The following GSE1 variants were observed in gnomAD, a reference collection of about 807,000 sequenced individuals.
GSE1 encodes the protein genetic suppressor element 1.
GSE1 carries 32 observed loss-of-function variants against 112.6 expected under a neutral mutation model. That is an observed-to-expected ratio of 0.28 (90% CI 0.21 to 0.38). The LOEUF (loss-of-function observed/expected upper bound fraction) is 0.38. Ranked by LOEUF, GSE1 falls within the 10% of genes least tolerant of loss-of-function variation. The probability of loss-of-function intolerance (pLI) is 1.00; values close to 1 mark genes in which losing one functional copy is unlikely to be tolerated. For missense variants in GSE1, 2,348 were observed against 1,699.2 expected (o/e 1.38, Z -6.71); for synonymous variants, 1,115 against 735.6 (o/e 1.52, Z -8.35).
rs143067517 is a variant in GSE1 at position 85,209,506 on chromosome 16, C to T, written c.2283+37699C>T. Among the ~76,000 whole-genome samples the T allele has an allele frequency of 1.4e-4, 22 of 152,248 alleles. No homozygotes were observed. The East Asian group carries it at 4.2e-3, about 29-fold the overall frequency. On this transcript the variant is annotated intron_variant, in intron 1 of 2. Coordinates refer to the GSE1 transcript ENST00000637419. ...CGTGCATCCCCCTGGACCACTGACC[C>T]CTCCCACCCTCTCCCCCATCACCAT... is the stretch of plus-strand genomic sequence containing the variant.
Position 85,324,802 on chromosome 16 carries a change from C to T in GSE1, c.2284-32661C>T, listed in dbSNP as rs186547987. Reference sequence around the variant, plus strand: ...TGGCAGGGCCTGGGGAAGGCGATTCCGTCGGGGAAAGGGGGATAAATCTGA... The same window carrying T: ...TGGCAGGGCCTGGGGAAGGCGATTCTGTCGGGGAAAGGGGGATAAATCTGA... On this transcript the variant is annotated intron_variant, in intron 1 of 2. Transcript: ENST00000637419. Among the ~76,000 whole-genome samples, 14 of 151,966 alleles carry T rather than the reference C, an allele frequency of 9.2e-5. No homozygotes were observed. The East Asian group carries it at 1.9e-3, about 21-fold the overall frequency.
chr16:85,239,869 C>T (rs149100174), intron 1 of GSE1, among the ~76,000 whole-genome samples: 16 of 152,358 alleles, frequency 1.1e-4, no homozygotes, highest in African/African-American at 3.8e-4. Context: ...CCCAAACCAA[C>T]GGAAAGTCTG....
chr16:85,326,140 G>C (rs183871594), intron 1 of GSE1, among the ~76,000 whole-genome samples: 189 of 152,210 alleles, frequency 1.2e-3, no homozygotes, highest in African/African-American at 4.4e-3. Context: ...TTGACTGGAA[G>C]GGTCATACAT....
intron 1 of GSE1, among the ~76,000 whole-genome samples, chr16:85,317,432 C>T (rs768496543): frequency 6.6e-6 from 1 of 152,140 alleles, no homozygotes; most frequent in East Asian, 1.9e-4. Flanking sequence ...CAGCCTCAGC[C>T]AGCAGCCCCA....
At chr16:85,277,145 C>T (rs62049832) in intron 1 of GSE1, among the ~76,000 whole-genome samples, 37,233 of 151,918 alleles carry the variant, frequency 0.25, 5,280 homozygotes, top group East Asian at 0.34. Context: ...TGAGACCCCA[C>T]GGCCAGCCTG....
intron 2 of GSE1, among the ~76,000 whole-genome samples, chr16:85,416,171 A>G (rs1597686700): frequency 1.3e-5 from 2 of 152,214 alleles, no homozygotes; most frequent in South Asian, 4.1e-4. Context: ...TAAACTATTG[A>G]CAAGCCAGAT....
intron 1 of GSE1, among the ~76,000 whole-genome samples, chr16:85,586,631 C>G (rs757280063): frequency 6.6e-6 from 1 of 152,244 alleles, no homozygotes; most frequent in African/African-American, 2.4e-5. Flanking sequence ...GGCCCGACGC[C>G]GGCCCCCGCG....
chr16:85,304,793 C>T (rs1190752935), intron 1 of GSE1, among the ~76,000 whole-genome samples: 3 of 152,236 alleles, frequency 2.0e-5, no homozygotes, highest in African/African-American at 7.2e-5. Context: ...CCAGGCCGCT[C>T]TGCAGCCACA....
At chr16:85,511,003 C>G (rs1430510760) in intron 2 of GSE1, among the ~76,000 whole-genome samples, 2 of 152,260 alleles carry the variant, frequency 1.3e-5, no homozygotes, top group African/African-American at 4.8e-5. Flanking sequence ...GCATGCGTTG[C>G]TCTTTAATAG....
At chr16:85,196,678 A>G (rs2143507607) in intron 1 of GSE1, among the ~76,000 whole-genome samples, 1 of 152,210 alleles carries the variant, frequency 6.6e-6, no homozygotes, top group East Asian at 1.9e-4. Flanking sequence ...GACCTTGAGC[A>G]GCTCCATAAA....
chr16:85,193,647 A>G (rs1197428228), intron 1 of GSE1, among the ~76,000 whole-genome samples: 1 of 152,114 alleles, frequency 6.6e-6, no homozygotes, highest in African/African-American at 2.4e-5. Context: ...TTTAGCAGAG[A>G]CAGGGTTTTG....
intron 1 of GSE1, among the ~76,000 whole-genome samples, chr16:85,315,911 C>A (rs964104589): frequency 6.6e-6 from 1 of 150,884 alleles, no homozygotes; most frequent in Non-Finnish European, 1.5e-5. Context: ...CGCCAGAGCA[C>A]GGTGAAGCCC....
At chr16:85,413,094 C>T (rs912181673) in intron 2 of GSE1, among the ~76,000 whole-genome samples, 2 of 152,208 alleles carry the variant, frequency 1.3e-5, no homozygotes, top group Non-Finnish European at 1.5e-5. Context: ...CTGCTTGTCT[C>T]TTGGCTGTTT....
At chr16:85,569,399 G>A (rs530670171) in intron 1 of GSE1, among the ~76,000 whole-genome samples, 2 of 152,354 alleles carry the variant, frequency 1.3e-5, no homozygotes, top group African/African-American at 4.8e-5. Context: ...TTCTTGCTCC[G>A]CCTTGAGTCC....
intron 1 of GSE1, among the ~76,000 whole-genome samples, chr16:85,249,611 G>A (rs1444144424): frequency 6.6e-6 from 1 of 152,238 alleles, no homozygotes; most frequent in Non-Finnish European, 1.5e-5. Context: ...GCAGGGCAGA[G>A]TCCTGGGTTC....
intron 1 of GSE1, among the ~76,000 whole-genome samples, chr16:85,615,552 C>T (rs558293507): frequency 2.6e-5 from 4 of 152,128 alleles, no homozygotes; most frequent in African/African-American, 4.8e-5. Flanking sequence ...CGGGCCAGAG[C>T]TGGTGAGAGC....
intron 12 of GSE1, among the ~76,000 whole-genome samples, chr16:85,665,570 C>T (rs984498454): frequency 6.9e-6 from 1 of 145,340 alleles, no homozygotes; most frequent in African/African-American, 2.4e-5. Context: ...CCTGCCGGCA[C>T]CTGCCGCCAC....
chr16:85,471,013 G>A (rs941937569), intron 2 of GSE1, among the ~76,000 whole-genome samples: 19 of 152,212 alleles, frequency 1.2e-4, no homozygotes, highest in Admixed American at 1.0e-3. Context: ...GGAGGAGGGC[G>A]CTGGGGGCTC....
chr16:85,573,224 C>A (rs994415497), intron 1 of GSE1, among the ~76,000 whole-genome samples: 1 of 152,052 alleles, frequency 6.6e-6, no homozygotes, highest in Non-Finnish European at 1.5e-5. Flanking sequence ...GCCTCGAAGT[C>A]CTGGACTCAA....
Sources: gnomAD v4.1 joint callset for allele counts (sites outside exome capture counted in the v4.1 genomes callset) on GRCh38, gnomAD v4.1.1 for gene constraint, MANE v1.5 for transcripts, NCBI Gene and HGNC (gene_info 2026-07-23, HGNC 2026-07-21) for gene names.